The following LRFN2 variants were observed in gnomAD, a reference collection of about 807,000 sequenced individuals.
The protein encoded by LRFN2 is leucine-rich repeat and fibronectin type-III domain-containing protein 2.
LRFN2 carries 18 observed loss-of-function variants against 37.3 expected under a neutral mutation model. That is an observed-to-expected ratio of 0.48 (90% CI 0.33 to 0.72). The LOEUF (loss-of-function observed/expected upper bound fraction) is 0.72, where lower values mean the gene tolerates loss of function less well. Among genes scored for constraint, LRFN2 ranks in the 30% least tolerant of loss-of-function variants. LRFN2 has a pLI of 0.02. For missense variants in LRFN2, 1,006 were observed against 1,060.7 expected (o/e 0.95, Z 0.72); for synonymous variants, 556 against 466.6 (o/e 1.19, Z -2.47).
chr6:40,550,421 A>ATGT (rs1766753534), intron 1 of LRFN2, among the ~76,000 whole-genome samples: 2 of 152,136 alleles, frequency 1.3e-5, no homozygotes, highest in African/African-American at 4.8e-5. Context: ...GATTGCTCAA[A>ATGT]CCTTAAGACA....
At chr6:40,527,226 C>A (rs9471364) in intron 1 of LRFN2, among the ~76,000 whole-genome samples, 1 of 152,084 alleles carries the variant, frequency 6.6e-6, no homozygotes, top group Non-Finnish European at 1.5e-5. Flanking sequence ...GAGCTGCAGA[C>A]AGCCTGAGCC....
At chr6:40,506,394 G>A (rs1561884882) in intron 1 of LRFN2, among the ~76,000 whole-genome samples, 2 of 152,138 alleles carry the variant, frequency 1.3e-5, no homozygotes, top group Admixed American at 6.5e-5. Flanking sequence ...AAGCATGAAT[G>A]GAACTATTCG....
At chr6:40,535,494 C>T (rs568915426) in intron 1 of LRFN2, among the ~76,000 whole-genome samples, 1 of 152,114 alleles carries the variant, frequency 6.6e-6, no homozygotes, top group Non-Finnish European at 1.5e-5. Context: ...GTTGGAAACC[C>T]GCCTGGGGTC....
At chr6:40,484,464 T>A (rs991140822) in intron 1 of LRFN2, among the ~76,000 whole-genome samples, 1 of 152,178 alleles carries the variant, frequency 6.6e-6, no homozygotes, top group Admixed American at 6.5e-5. Context: ...CTCACCATAA[T>A]GTGCACACAA....
At chr6:40,531,394 T>A (rs1766337941) in intron 1 of LRFN2, among the ~76,000 whole-genome samples, 1 of 152,204 alleles carries the variant, frequency 6.6e-6, no homozygotes, top group South Asian at 2.1e-4. Context: ...CAGGCTATTA[T>A]GAATGGTGCA....
At chr6:40,425,815 G>A (rs181463023) in intron 2 of LRFN2, among the ~76,000 whole-genome samples, 34 of 152,340 alleles carry the variant, frequency 2.2e-4, no homozygotes, top group Non-Finnish European at 5.9e-5. Flanking sequence ...AAATAATGAT[G>A]GAGCTTATTA....
At chr6:40,523,211 T>C (rs1469059909) in intron 1 of LRFN2, among the ~76,000 whole-genome samples, 2 of 152,150 alleles carry the variant, frequency 1.3e-5, no homozygotes, top group African/African-American at 4.8e-5. Flanking sequence ...ACACAGCAGG[T>C]GCTCAATAAA....
intron 1 of LRFN2, among the ~76,000 whole-genome samples, chr6:40,464,246 A>AC (rs1301359598): frequency 6.6e-6 from 1 of 152,222 alleles, no homozygotes; most frequent in Non-Finnish European, 1.5e-5. Flanking sequence ...ACATGGCCTA[A>AC]CCATTCATAT....
Position 40,483,513 on chromosome 6 carries a change from A to G in LRFN2, c.-18-50382T>C, listed in dbSNP as rs139263427. Reference sequence around the variant, plus strand: ...ATGGGAAGCCAATGAGGCTACAAGAACAACAATGGCAACGGATCCATTTAT... The same window carrying G: ...ATGGGAAGCCAATGAGGCTACAAGAGCAACAATGGCAACGGATCCATTTAT... On this transcript the variant is annotated intron_variant, in intron 1 of 2. Transcript: ENST00000338305. Among the ~76,000 whole-genome samples, 304 of 152,344 alleles carry G rather than the reference A, an allele frequency of 2.0e-3. 1 individual carries two copies. Among genetic ancestry groups the G allele is most frequent in the African/African-American group, 6.8e-3 (282 of 41,578 alleles).
At chr6:40,581,204 A>G (rs924637195) in intron 1 of LRFN2, among the ~76,000 whole-genome samples, 9 of 152,214 alleles carry the variant, frequency 5.9e-5, no homozygotes, top group African/African-American at 1.9e-4. Context: ...GAGGATGGAA[A>G]GGAGGATGGA....
chr6:40,405,283 C>A (rs1002042292), intron 2 of LRFN2, among the ~76,000 whole-genome samples: 1 of 152,226 alleles, frequency 6.6e-6, no homozygotes, highest in Non-Finnish European at 1.5e-5. Context: ...GATATGCACA[C>A]AGGCTCTGGA....
chr6:40,392,883 A>T lies in LRFN2; in HGVS notation c.1430T>A (p.Val477Glu). 6.2e-7 allele frequency: 1 copy of T among 1,612,362 alleles called. No individual in the cohort carries two copies. Among genetic ancestry groups the T allele is most frequent in the Non-Finnish European group, 8.5e-7 (1 of 1,179,144 alleles). Residue 477 changes from valine to glutamate, a missense_variant, in exon 3 of 3, where the codon GTG becomes GAG. By Grantham distance (121) the Val-to-Glu change is moderately radical. This residue lies in a region of LRFN2 where 120 missense variants were observed against 178.4 expected (regional missense o/e 0.67). Coordinates refer to ENST00000338305, the MANE Select transcript of LRFN2 (RefSeq NM_020737.3). The surrounding 1 kb of genome is among the most constrained non-coding windows in gnomAD (Gnocchi z 4.7). ...RMIPASNKAF[V>E]VNNLVSGTGY... is the part of the protein sequence containing the mutation. ...AGTCCCTGACACCAGGTTGTTGACCACGAAGGCCTTGTTGGAGGCTGGGAT... is the reference window on the plus strand; with the variant it reads ...AGTCCCTGACACCAGGTTGTTGACCTCGAAGGCCTTGTTGGAGGCTGGGAT...
At position 40,483,691 on chromosome 6, in the gene LRFN2, A is replaced by T. The variant is rs565877984; in HGVS notation, c.-18-50560T>A. Among the ~76,000 whole-genome samples, 11 of 152,360 alleles carry T rather than the reference A, an allele frequency of 7.2e-5. No individual in the cohort carries two copies. The South Asian group carries it at 2.3e-3, about 32-fold the overall frequency. The stretch of plus-strand genomic sequence containing the variant: ...TCAGAAGTGGCAGGAAATGAGGAGC[A>T]GCAATTCCATGATGTGGGCATGAGA... On this transcript the variant is annotated intron_variant, in intron 1 of 2. Transcript: ENST00000338305.
intron 1 of LRFN2, among the ~76,000 whole-genome samples, chr6:40,468,975 C>T (rs543653249): frequency 2.0e-5 from 3 of 152,246 alleles, no homozygotes; most frequent in Non-Finnish European, 2.9e-5. Context: ...GGTATATCCA[C>T]GTCCTAATCC....
At chr6:40,574,495 C>A (rs1003906633) in intron 1 of LRFN2, among the ~76,000 whole-genome samples, 24 of 152,240 alleles carry the variant, frequency 1.6e-4, no homozygotes, top group Middle Eastern at 3.4e-3. Context: ...CGGAGTTATG[C>A]TCCCAGTTTG....
chr6:40,432,291 A>G lies in LRFN2; in HGVS notation c.823T>C (p.Tyr275His), dbSNP rs1463506069. The G allele has an allele frequency of 6.2e-7, 1 of 1,613,988 alleles. No individual in the cohort carries two copies. The highest frequency in any genetic ancestry group is 1.3e-5 in the African/African-American group (1 of 74,936). The part of the protein sequence containing the change: ...CGSPGGLKGR[Y>H]FWHVREEEFV... ...TCCTCCTCACGCACATGCCAGAAGT[A>G]GCGACCCTTGAGGCCCCCTGGGGAG... The change falls in exon 2 of 3, where the codon TAC becomes CAC. Residue 275 changes from tyrosine to histidine, a missense_variant. By Grantham distance (83) the Tyr-to-His change is moderately conservative. Around this residue, in one of 4 missense-constraint regions of LRFN2, gnomAD observed 303 missense variants for 299.8 expected, o/e 1.01. Coordinates refer to ENST00000338305, the MANE Select transcript of LRFN2 (RefSeq NM_020737.3).
intron 1 of LRFN2, among the ~76,000 whole-genome samples, chr6:40,463,668 C>CTCTTTTTTT (rs1470775834): frequency 4.4e-5 from 4 of 91,290 alleles, no homozygotes; most frequent in South Asian, 4.2e-4. Flanking sequence ...TTCTTTCTTT[C>CTCTTTTTTT]TATTTTTTTT....
rs189108107 is a variant in LRFN2 at position 40,555,932 on chromosome 6, C to T, written c.-19+31009G>A. 5.3e-5 allele frequency among the ~76,000 whole-genome samples: 8 copies of T among 152,322 alleles called. No individual in the cohort carries two copies. The East Asian group carries it at 1.5e-3, about 29-fold the overall frequency. ...TACTGTACTAAATCTTCCTTCTTTG[C>T]TGACATCTAAATCTACTCAGAACTC... is the stretch of plus-strand genomic sequence containing the variant. On this transcript the variant is annotated intron_variant, in intron 1 of 2. Coordinates refer to ENST00000338305, the MANE Select transcript of LRFN2 (RefSeq NM_020737.3).
intron 1 of LRFN2, among the ~76,000 whole-genome samples, chr6:40,582,982 A>T (rs1767431910): frequency 6.6e-6 from 1 of 152,110 alleles, no homozygotes; most frequent in South Asian, 2.1e-4. Flanking sequence ...TTGCGAGTGG[A>T]TCTGTCTCCC....
Sources: gnomAD v4.1 joint callset for allele counts (sites outside exome capture counted in the v4.1 genomes callset) on GRCh38, gnomAD v4.1.1 for gene constraint, gnomAD v4.1.1 regional missense constraint, Gnocchi (gnomAD v3.1) non-coding constraint, MANE v1.5 for transcripts, NCBI Gene and HGNC (gene_info 2026-07-23, HGNC 2026-07-21) for gene names.